The following RFX3 variants were observed in gnomAD, a reference collection of about 807,000 sequenced individuals.
The protein encoded by RFX3 is transcription factor RFX3.
Under a neutral mutation model 98.6 loss-of-function variants are expected in RFX3, and 14 were observed. The observed-to-expected ratio is 0.14, with a 90% confidence interval of 0.09 to 0.22. The LOEUF is 0.22. Ranked by LOEUF, RFX3 falls within the 10% of genes least tolerant of loss-of-function variation. The pLI, the probability that RFX3 is intolerant of heterozygous loss-of-function variation, is 1.00. For synonymous variants in RFX3, 383 were observed against 328.4 expected (o/e 1.17, Z -1.80); for missense variants, 639 against 926.9 (o/e 0.69, Z 4.03).
chr9:3,505,256 ATATATT>A (rs1816868109), intron 1 of RFX3, among the ~76,000 whole-genome samples: 5 of 74,718 alleles, frequency 6.7e-5, no homozygotes, highest in Admixed American at 2.2e-4. Flanking sequence ...ATATATGAAT[ATATATT>A]TATATATATA....
chr9:3,327,141 G>T (rs987845276), intron 4 of RFX3, among the ~76,000 whole-genome samples: 5 of 151,652 alleles, frequency 3.3e-5, no homozygotes, highest in African/African-American at 1.2e-4. Context: ...TGATTCTACA[G>T]TAAAAGAAAA....
chr9:3,312,363 A>C (rs566077174), intron 4 of RFX3, among the ~76,000 whole-genome samples: 51 of 152,296 alleles, frequency 3.3e-4, no homozygotes, highest in Middle Eastern at 3.4e-3. Flanking sequence ...TAGTCAATGG[A>C]AACCTTCTTC....
rs1228904294 is a variant in RFX3 at position 3,288,136 on chromosome 9, T to C, written c.846A>G (p.Lys282=). Residue 282 remains lysine, a synonymous_variant, in exon 7 of 17, where the codon AAA becomes AAG. Transcript: ENST00000617270. ...MAMRQQPMQQ[K]QRYKPMQKVD... is the part of the protein sequence containing the mutation. ...ATGATAACTTCAGAGTCTACCTTTG[T>C]TTCTGTTGCATGGGTTGTTGTCTCA... 6.8e-6 allele frequency: 11 copies of C among 1,612,596 alleles called. No individual in the cohort carries two copies. Among genetic ancestry groups the C allele is most frequent in the South Asian group, 1.1e-5 (1 of 91,032 alleles).
intron 2 of RFX3, among the ~76,000 whole-genome samples, chr9:3,382,868 TA>T (rs1294458810): frequency 3.3e-5 from 5 of 152,294 alleles, no homozygotes; most frequent in South Asian, 4.1e-4. Context: ...TTAAACTGGA[TA>T]TTTTTTTGAA....
At chr9:3,269,306 A>C (rs1249990663) in intron 11 of RFX3, among the ~76,000 whole-genome samples, 1 of 152,044 alleles carries the variant, frequency 6.6e-6, no homozygotes, top group Non-Finnish European at 1.5e-5. Flanking sequence ...ATTGTTATTT[A>C]GAAAAAAAGA....
At chr9:3,333,439 T>TGTTG (rs71495493) in intron 3 of RFX3, among the ~76,000 whole-genome samples, 8 of 150,486 alleles carry the variant, frequency 5.3e-5, no homozygotes, top group African/African-American at 1.5e-4. Context: ...GAAAATGTTT[T>TGTTG]TTTTTTTTTT....
At chr9:3,301,836 C>T (rs945917726) in intron 4 of RFX3, among the ~76,000 whole-genome samples, 4 of 151,702 alleles carry the variant, frequency 2.6e-5, no homozygotes, top group African/African-American at 9.7e-5. Flanking sequence ...CAAAGTAAAC[C>T]TTTTTTGAAC....
chr9:3,373,515 C>G (rs1488571455), intron 2 of RFX3, among the ~76,000 whole-genome samples: 2 of 152,134 alleles, frequency 1.3e-5, no homozygotes, highest in African/African-American at 4.8e-5. Context: ...TGTGTGGCTG[C>G]ACTTCATTTC....
rs894807246 is a variant in RFX3 at position 3,222,302 on chromosome 9, T to G, written c.*2740A>C. 2 of 152,156 alleles carry G rather than the reference T, an allele frequency of 1.3e-5. No homozygotes were observed. The highest frequency in any genetic ancestry group is 4.8e-5 in the African/African-American group (2 of 41,466). 9.4% of individuals were successfully genotyped at this position (152,156 alleles called of 1,614,324 possible). On this transcript the variant is annotated 3_prime_UTR_variant, in exon 17 of 17. Transcript: ENST00000617270. The stretch of plus-strand genomic sequence containing the variant: ...AATATTCATAAAGGAGATCAGAATA[T>G]TTTTATTGAGTCAAGTTCAAATGTA...
At chr9:3,346,004 G>A (rs953065160) in intron 3 of RFX3, among the ~76,000 whole-genome samples, 1 of 152,112 alleles carries the variant, frequency 6.6e-6, no homozygotes, top group Non-Finnish European at 1.5e-5. Flanking sequence ...CCAACAGGTT[G>A]CAAACAAAAA....
intron 3 of RFX3, among the ~76,000 whole-genome samples, chr9:3,332,483 T>C (rs1832707606): frequency 1.3e-5 from 2 of 152,218 alleles, no homozygotes; most frequent in Non-Finnish European, 2.9e-5. Context: ...TTTTGGATTT[T>C]GCATTAGGGA....
chr9:3,457,218 T>C (rs948916278), intron 1 of RFX3, among the ~76,000 whole-genome samples: 24 of 110,696 alleles, frequency 2.2e-4, no homozygotes, highest in African/African-American at 7.1e-4. Flanking sequence ...GATCTTAAAA[T>C]AGGAGAATTC....
intron 1 of RFX3, among the ~76,000 whole-genome samples, chr9:3,450,293 G>A (rs762528329): frequency 1.8e-4 from 27 of 152,118 alleles, no homozygotes; most frequent in Non-Finnish European, 2.9e-5. Flanking sequence ...TCAGAAAGAC[G>A]AGATATATAA....
intron 13 of RFX3, among the ~76,000 whole-genome samples, chr9:3,260,814 A>C (rs1013751292): frequency 2.7e-4 from 41 of 150,732 alleles, no homozygotes; most frequent in Admixed American, 6.6e-4. Flanking sequence ...CTAGATGGAT[A>C]GATGATATTT....
rs920035889 is a variant in RFX3 at position 3,220,666 on chromosome 9, G to C, written c.*4376C>G. ...CCCCTTTAAAAAAACAGCATAATTA[G>C]ACATTTGGATATAGAGTATACTTTA... On this transcript the variant is annotated 3_prime_UTR_variant, in exon 17 of 17. Transcript: ENST00000617270. The C allele has an allele frequency of 6.6e-5, 10 of 151,306 alleles. No homozygotes were observed. Among genetic ancestry groups the C allele is most frequent in the African/African-American group, 2.2e-4 (9 of 41,332 alleles). 9.4% of individuals were successfully genotyped at this position (151,306 alleles called of 1,614,324 possible).
At chr9:3,333,001 C>T (rs952486772) in intron 3 of RFX3, among the ~76,000 whole-genome samples, 1 of 152,298 alleles carries the variant, frequency 6.6e-6, no homozygotes, top group Middle Eastern at 3.4e-3. Flanking sequence ...TTCCCAACAT[C>T]CTTTGAATTC....
At chr9:3,418,880 T>A (rs186302875) in intron 1 of RFX3, among the ~76,000 whole-genome samples, 15 of 152,268 alleles carry the variant, frequency 9.9e-5, no homozygotes, top group African/African-American at 3.4e-4. Flanking sequence ...CATGATCCAG[T>A]GGAAACTTAT....
At chr9:3,525,517 G>A (rs1819189034) in intron 1 of RFX3, among the ~76,000 whole-genome samples, 1 of 151,854 alleles carries the variant, frequency 6.6e-6, no homozygotes, top group African/African-American at 2.4e-5. Flanking sequence ...CCGGCGGGCG[G>A]CGCGGCGCCC....
intron 2 of RFX3, among the ~76,000 whole-genome samples, chr9:3,391,898 T>C (rs905273657): frequency 1.3e-5 from 2 of 152,156 alleles, no homozygotes; most frequent in Non-Finnish European, 2.9e-5. Flanking sequence ...AATCTCTTCA[T>C]TGAGGAATAC....
Sources: allele counts gnomAD v4.1 joint callset (sites outside exome capture counted in the v4.1 genomes callset), GRCh38; gene constraint gnomAD v4.1.1; transcripts MANE v1.5; gene names NCBI Gene and HGNC (gene_info 2026-07-23, HGNC 2026-07-21).